ROBO2: variants seen among roughly 807,000 people sequenced by gnomAD.
ROBO2 encodes the protein roundabout guidance receptor 2, also known as roundabout homolog 2.
Under a neutral mutation model 160.8 loss-of-function variants are expected in ROBO2, and 53 were observed. The observed-to-expected ratio is 0.33, with a 90% CI of 0.26 to 0.41. The LOEUF is 0.41. ROBO2 is among the 10% of genes least tolerant of loss of function. The pLI is 1.00. For synonymous variants in ROBO2, 664 were observed against 611.7 expected (o/e 1.09, Z -1.26); for missense variants, 1,577 against 1,722.4 (o/e 0.92, Z 1.49).
At chr3:77,238,246 A>G (rs2088392955) in intron 2 of ROBO2, among the ~76,000 whole-genome samples, 1 of 152,182 alleles carries the variant, frequency 6.6e-6, no homozygotes, top group Admixed American at 6.5e-5. Flanking sequence ...AGTCCATTTT[A>G]TCAATTTTTT....
intron 2 of ROBO2, among the ~76,000 whole-genome samples, chr3:77,338,691 T>A (rs2066747933): frequency 6.6e-6 from 1 of 152,176 alleles, no homozygotes; most frequent in Non-Finnish European, 1.5e-5. Flanking sequence ...ATGGTAAGTA[T>A]CTGCCATCAC....
chr3:76,732,331 A>C (rs903905731), intron 2 of ROBO2, among the ~76,000 whole-genome samples: 1 of 152,194 alleles, frequency 6.6e-6, no homozygotes, highest in Non-Finnish European at 1.5e-5. Flanking sequence ...TGAAATCTTC[A>C]TATGATTTCA....
intron 2 of ROBO2, among the ~76,000 whole-genome samples, chr3:76,389,395 T>C (rs1354807298): frequency 6.6e-6 from 1 of 152,196 alleles, no homozygotes; most frequent in Non-Finnish European, 1.5e-5. Flanking sequence ...TCTAGGTTAG[T>C]GTCAAGGTGG....
intron 2 of ROBO2, among the ~76,000 whole-genome samples, chr3:77,148,221 G>A (rs769855841): frequency 7.9e-5 from 12 of 152,160 alleles, no homozygotes; most frequent in Non-Finnish European, 1.8e-4. Flanking sequence ...AAGCCCCGTG[G>A]CAATCAACTA....
chr3:77,179,341 C>T (rs552507956), intron 2 of ROBO2, among the ~76,000 whole-genome samples: 1 of 151,618 alleles, frequency 6.6e-6, no homozygotes, highest in East Asian at 1.9e-4. Context: ...ATTGAAGACT[C>T]ATGTACGTAT....
intron 2 of ROBO2, among the ~76,000 whole-genome samples, chr3:76,166,722 T>A (rs2072853443): frequency 1.3e-5 from 2 of 152,240 alleles, no homozygotes; most frequent in South Asian, 4.1e-4. Flanking sequence ...CACTAGAGCA[T>A]AAATTCAAGG....
chr3:76,005,787 A>G (rs1015606648), intron 2 of ROBO2, among the ~76,000 whole-genome samples: 1 of 151,944 alleles, frequency 6.6e-6, no homozygotes, highest in Non-Finnish European at 1.5e-5. Flanking sequence ...AGAGCTACTA[A>G]CAGAAGAAAT....
intron 2 of ROBO2, among the ~76,000 whole-genome samples, chr3:76,251,096 CA>C (rs1303981109): frequency 6.6e-6 from 1 of 151,992 alleles, no homozygotes; most frequent in Non-Finnish European, 1.5e-5. Flanking sequence ...TTATCAGTGG[CA>C]CCCTTCCTAC....
At position 77,399,704 on chromosome 3, in the gene ROBO2, G is replaced by A. The variant is rs920307148; in HGVS notation, c.389-77710G>A. 2.6e-5 allele frequency among the ~76,000 whole-genome samples: 4 copies of A among 152,164 alleles called. No individual in the cohort carries two copies. The South Asian group carries it at 6.2e-4, about 24-fold the overall frequency. On this transcript the variant is annotated intron_variant, in intron 2 of 25. Transcript: ENST00000461745. Reference sequence around the variant, plus strand: ...TATAGAGTTCGTGCAGTCTCCTTAGGGTTAGAATTCACATGGTGCCTGTGT... The same window carrying A: ...TATAGAGTTCGTGCAGTCTCCTTAGAGTTAGAATTCACATGGTGCCTGTGT...
chr3:77,647,965 T>G (rs1294994105), exon 26 of ROBO2: 1 of 152,310 alleles, frequency 6.6e-6, no homozygotes, highest in East Asian at 1.9e-4. Context: ...GAATGTAATG[T>G]TCTTCATGGG....
intron 2 of ROBO2, among the ~76,000 whole-genome samples, chr3:76,476,259 C>G (rs2107207173): frequency 6.6e-6 from 1 of 152,168 alleles, no homozygotes; most frequent in African/African-American, 2.4e-5. Flanking sequence ...TGCTCTTGCC[C>G]TTTTTTCTTA....
At chr3:76,400,887 A>C (rs577200690) in intron 2 of ROBO2, among the ~76,000 whole-genome samples, 3 of 151,496 alleles carry the variant, frequency 2.0e-5, no homozygotes, top group Non-Finnish European at 3.0e-5. Flanking sequence ...GAAAGTTTCA[A>C]CTCTTGTTTT....
chr3:76,968,706 A>T lies in ROBO2; in HGVS notation c.110-129308A>T, dbSNP rs557827182. 2.0e-5 allele frequency among the ~76,000 whole-genome samples: 3 copies of T among 152,148 alleles called. No individual in the cohort carries two copies. The South Asian group carries it at 6.2e-4, about 32-fold the overall frequency. ...TTGAGGCTTGTAGGCTATTATATGC[A>T]TGTTTTCGTCAGGTTTGTATTGTTT... On this transcript the variant is annotated intron_variant, in intron 2 of 26. Coordinates refer to the ROBO2 transcript ENST00000487694.
In ROBO2 at chr3:76,930,608, A is replaced by G. The variant is rs1249404336; in HGVS notation, c.110-167406A>G. On this transcript the variant is annotated intron_variant, in intron 2 of 26. Transcript: ENST00000487694. Reference sequence around the variant, plus strand: ...GACATTTATTATGGAAGGTTGGTTTACTTGATCAAGGAGGCTAAGTAACCC... The same window carrying G: ...GACATTTATTATGGAAGGTTGGTTTGCTTGATCAAGGAGGCTAAGTAACCC... Among the ~76,000 whole-genome samples, 4 of 152,156 alleles carry G rather than the reference A, an allele frequency of 2.6e-5. No homozygotes were observed. The South Asian group carries it at 6.2e-4, about 24-fold the overall frequency.
intron 2 of ROBO2, among the ~76,000 whole-genome samples, chr3:77,214,058 G>A (rs1208559645): frequency 2.0e-5 from 3 of 152,168 alleles, no homozygotes; most frequent in Non-Finnish European, 2.9e-5. Context: ...ATATTCTGTT[G>A]ATTTTGGGTG....
At chr3:76,326,287 A>T (rs994262049) in intron 2 of ROBO2, among the ~76,000 whole-genome samples, 3 of 152,174 alleles carry the variant, frequency 2.0e-5, no homozygotes, top group African/African-American at 7.2e-5. Flanking sequence ...AAATGACTAT[A>T]ACTCCTCTTT....
At chr3:76,797,350 GAAGAAA>G (rs1181030048) in intron 2 of ROBO2, among the ~76,000 whole-genome samples, 1 of 151,976 alleles carries the variant, frequency 6.6e-6, no homozygotes, top group East Asian at 1.9e-4. Context: ...GTGGGTCAAT[GAAGAAA>G]TTAAGAAAAA....
chr3:76,638,728 C>CT (rs1430173195), intron 2 of ROBO2, among the ~76,000 whole-genome samples: 2 of 151,942 alleles, frequency 1.3e-5, no homozygotes, highest in African/African-American at 4.8e-5. Context: ...TATCAGTAGC[C>CT]TTTTTTGTCT....
At chr3:77,590,048 T>C (rs181856759) in intron 17 of ROBO2, among the ~76,000 whole-genome samples, 1 of 152,278 alleles carries the variant, frequency 6.6e-6, no homozygotes, top group Admixed American at 6.5e-5. Flanking sequence ...GTGGAAATAG[T>C]GCAAAATGCT....
Sources: allele counts gnomAD v4.1 joint callset (sites outside exome capture counted in the v4.1 genomes callset), GRCh38; gene constraint gnomAD v4.1.1; transcripts MANE v1.5; gene names NCBI Gene and HGNC (gene_info 2026-07-23, HGNC 2026-07-21).